RARB: variants seen among roughly 807,000 people sequenced by gnomAD.
RARB encodes HBV-activated protein.
RARB carries 17 observed loss-of-function variants against 51.9 expected under a neutral mutation model. The ratio of observed to expected loss-of-function variants is 0.33; its 90% CI spans 0.22 to 0.49. The LOEUF (loss-of-function observed/expected upper bound fraction) is 0.49. Ranked by LOEUF, RARB falls within the 20% of genes least tolerant of loss-of-function variation. RARB has a pLI of 0.99. For missense variants in RARB, 369 were observed against 550.8 expected (o/e 0.67, Z 3.30); for synonymous variants, 215 against 195.4 (o/e 1.10, Z -0.84).
chr3:25,054,635 C>T (rs138291125), intron 2 of RARB, among the ~76,000 whole-genome samples: 3 of 152,264 alleles, frequency 2.0e-5, no homozygotes, highest in African/African-American at 7.2e-5. Context: ...AAAGGGGGAG[C>T]AGGAGAAACC....
intron 3 of RARB, among the ~76,000 whole-genome samples, chr3:25,099,604 T>C (rs545563899): frequency 3.5e-5 from 4 of 114,792 alleles, no homozygotes; most frequent in Admixed American, 3.2e-4. Flanking sequence ...CTCATGAGTA[T>C]TTTCAGGATT....
intron 1 of RARB, among the ~76,000 whole-genome samples, chr3:25,437,194 C>A (rs898381061): frequency 6.7e-6 from 1 of 149,632 alleles, no homozygotes; most frequent in African/African-American, 2.5e-5. Context: ...GTCTATAGCT[C>A]ATAACCTAGG....
chr3:25,055,050 G>A (rs9823025), intron 2 of RARB, among the ~76,000 whole-genome samples: 101,822 of 152,012 alleles, frequency 0.67, 34,779 homozygotes, highest in Non-Finnish European at 0.73. Flanking sequence ...TTGTGACACC[G>A]GTTTCAGAAA....
chr3:25,424,831 A>G (rs1707946884), upstream of RARB, among the ~76,000 whole-genome samples: 1 of 152,254 alleles, frequency 6.6e-6, no homozygotes, highest in South Asian at 2.1e-4. Flanking sequence ...TTTGCAGAGC[A>G]TGATTCATGG....
chr3:25,480,801 G>A (rs1402552647), intron 2 of RARB, among the ~76,000 whole-genome samples: 3 of 152,118 alleles, frequency 2.0e-5, no homozygotes, highest in African/African-American at 7.2e-5. Flanking sequence ...AGGGTGGTGG[G>A]GAGTGTAGCA....
intron 2 of RARB, among the ~76,000 whole-genome samples, chr3:24,952,472 C>T (rs1015067303): frequency 6.6e-6 from 1 of 152,002 alleles, no homozygotes; most frequent in South Asian, 2.1e-4. Context: ...AATGGCGCTC[C>T]CCCCATCCCC....
chr3:25,035,699 C>T (rs548482170), intron 2 of RARB, among the ~76,000 whole-genome samples: 2 of 152,188 alleles, frequency 1.3e-5, no homozygotes, highest in Non-Finnish European at 2.9e-5. Context: ...TTTGTGTACC[C>T]TACCATCTCT....
At chr3:25,536,392 G>A (rs1033089092) in intron 3 of RARB, among the ~76,000 whole-genome samples, 7 of 126,704 alleles carry the variant, frequency 5.5e-5, no homozygotes. Context: ...AGACTTAGCA[G>A]GGTCTGTTCC....
chr3:25,363,752 C>A (rs1438648302), intron 5 of RARB, among the ~76,000 whole-genome samples: 1 of 152,174 alleles, frequency 6.6e-6, no homozygotes. Context: ...ACTTGTATTT[C>A]CCAGTCTCCC....
Position 25,210,778 on chromosome 3 carries a change from G to T in RARB, c.178+36203G>T, listed in dbSNP as rs113706746. 2.7e-3 allele frequency among the ~76,000 whole-genome samples: 407 copies of T among 151,708 alleles called. 1 individual carries two copies. The highest frequency in any genetic ancestry group is 9.1e-3 in the African/African-American group (377 of 41,412). Reference sequence around the variant, plus strand: ...TCGAACTCCTGACCTCAAGTGAATCGCCCACCTCAGCTTCCCAAAGTGCTG... The same window carrying T: ...TCGAACTCCTGACCTCAAGTGAATCTCCCACCTCAGCTTCCCAAAGTGCTG... On this transcript the variant is annotated intron_variant, in intron 5 of 11. Coordinates refer to the RARB transcript ENST00000383772.
intron 2 of RARB, among the ~76,000 whole-genome samples, chr3:25,010,537 G>A (rs1697371904): frequency 1.3e-5 from 2 of 151,996 alleles, no homozygotes; most frequent in South Asian, 2.1e-4. Flanking sequence ...CCTTTGTTTT[G>A]GGAGCAACAG....
chr3:25,286,912 C>A (rs1367036979), intron 5 of RARB, among the ~76,000 whole-genome samples: 2 of 151,532 alleles, frequency 1.3e-5, no homozygotes, highest in Middle Eastern at 3.2e-3. Context: ...ATCTATTTTA[C>A]AAGAAAATTT....
intron 5 of RARB, among the ~76,000 whole-genome samples, chr3:25,372,725 C>T (rs1217899820): frequency 6.6e-6 from 1 of 152,094 alleles, no homozygotes; most frequent in Non-Finnish European, 1.5e-5. Flanking sequence ...ACTTGGGAGG[C>T]CAAGGTGGGA....
At chr3:24,832,033 A>G (rs1702289133) in intron 1 of RARB, among the ~76,000 whole-genome samples, 1 of 152,204 alleles carries the variant, frequency 6.6e-6, no homozygotes, top group Non-Finnish European at 1.5e-5. Context: ...TCTTAAGACA[A>G]TCATCAGAGT....
rs111502372 is a variant in RARB at position 25,242,265 on chromosome 3, C to T, written c.178+67690C>T. 3.4e-4 allele frequency among the ~76,000 whole-genome samples: 51 copies of T among 152,226 alleles called. 1 individual carries two copies. Among genetic ancestry groups the T allele is most frequent in the African/African-American group, 1.2e-3 (48 of 41,540 alleles). On this transcript the variant is annotated intron_variant, in intron 5 of 11. Coordinates refer to the RARB transcript ENST00000383772. ...TCCCATTCTGTAGGTTGCCTGTTCA[C>T]TCTGATGGTAGTTTATTTTGCCGTG...
chr3:24,883,500 C>G (rs550805362), intron 2 of RARB, among the ~76,000 whole-genome samples: 167 of 152,028 alleles, frequency 1.1e-3, no homozygotes, highest in African/African-American at 4.0e-3. Context: ...GAGGGCAAAG[C>G]AGGAACACTA....
At chr3:25,382,952 C>A (rs748076546) in intron 5 of RARB, among the ~76,000 whole-genome samples, 4 of 152,122 alleles carry the variant, frequency 2.6e-5, no homozygotes, top group Admixed American at 1.3e-4. Flanking sequence ...TCATAACTTT[C>A]CCTCATAGGC....
At chr3:24,924,620 G>T (rs1363720497) in intron 2 of RARB, among the ~76,000 whole-genome samples, 1 of 152,156 alleles carries the variant, frequency 6.6e-6, no homozygotes, top group Non-Finnish European at 1.5e-5. Flanking sequence ...AGTATATAAA[G>T]CTACATGACA....
chr3:25,213,740 G>A (rs1308261763), intron 5 of RARB, among the ~76,000 whole-genome samples: 1 of 152,172 alleles, frequency 6.6e-6, no homozygotes, highest in Non-Finnish European at 1.5e-5. Context: ...ATAATGTTTA[G>A]GAGTGCTTAG....
Sources: gnomAD v4.1 joint callset for allele counts (sites outside exome capture counted in the v4.1 genomes callset) on GRCh38, gnomAD v4.1.1 for gene constraint, MANE v1.5 for transcripts, NCBI Gene and HGNC (gene_info 2026-07-23, HGNC 2026-07-21) for gene names.